The following AUTS2 variants were observed in gnomAD, a reference collection of about 807,000 sequenced individuals.
AUTS2 encodes activator of transcription and developmental regulator AUTS2.
A neutral mutation model predicts 112.4 loss-of-function variants in AUTS2; 17 were observed. The observed-to-expected ratio is 0.15, with a 90% CI of 0.10 to 0.23. The LOEUF is 0.23. Ranked by LOEUF, AUTS2 falls within the 10% of genes least tolerant of loss-of-function variation. AUTS2 has a pLI of 1.00. For missense variants in AUTS2, 1,510 were observed against 1,701.6 expected (o/e 0.89, Z 1.98); for synonymous variants, 751 against 702.7 (o/e 1.07, Z -1.09).
chr7:70,402,527 G>T (rs1446903214), intron 4 of AUTS2, among the ~76,000 whole-genome samples: 1 of 152,192 alleles, frequency 6.6e-6, no homozygotes, highest in Non-Finnish European at 1.5e-5. Flanking sequence ...AAGTAATAAA[G>T]AAACGATTCC....
At chr7:70,024,061 A>G (rs1800404696) in intron 2 of AUTS2, among the ~76,000 whole-genome samples, 1 of 152,188 alleles carries the variant, frequency 6.6e-6, no homozygotes. Context: ...TCAGGGACAA[A>G]TGTAATGGTT....
chr7:70,281,717 T>G (rs1010047555), intron 4 of AUTS2, among the ~76,000 whole-genome samples: 26 of 152,036 alleles, frequency 1.7e-4, no homozygotes, highest in African/African-American at 5.3e-4. Flanking sequence ...CTTTGAAGAT[T>G]CGGAGTAATG....
chr7:70,157,002 G>T (rs1280244730), intron 4 of AUTS2, among the ~76,000 whole-genome samples: 3 of 149,156 alleles, frequency 2.0e-5, no homozygotes, highest in Non-Finnish European at 4.4e-5. Flanking sequence ...GCTTGAACCT[G>T]GGAGGCAGAG....
intron 2 of AUTS2, among the ~76,000 whole-genome samples, chr7:69,905,694 C>A (rs1795125011): frequency 6.6e-6 from 1 of 152,314 alleles, no homozygotes; most frequent in South Asian, 2.1e-4. Flanking sequence ...ACATGCCAAT[C>A]TCCTCTGGAA....
chr7:70,595,362 G>A lies in AUTS2; in HGVS notation c.691-103207G>A, dbSNP rs145871913. 2.4e-3 allele frequency among the ~76,000 whole-genome samples: 369 copies of A among 152,236 alleles called. 2 individuals carry two copies. Among genetic ancestry groups the A allele is most frequent in the African/African-American group, 8.1e-3 (335 of 41,534 alleles). ...TTTCCTACTAACTAGCTCAGGGGCG[G>A]GGGAGTTTCTGAACTATGTTGGCAT... is the stretch of plus-strand genomic sequence containing the variant. On this transcript the variant is annotated intron_variant, in intron 5 of 18. Coordinates refer to ENST00000342771, the MANE Select transcript of AUTS2 (RefSeq NM_015570.4).
intron 1 of AUTS2, among the ~76,000 whole-genome samples, chr7:69,699,960 C>T (rs1797736943): frequency 6.6e-6 from 1 of 152,100 alleles, no homozygotes; most frequent in African/African-American, 2.4e-5. Flanking sequence ...GGCATTTCAT[C>T]CTGGGTGTGT....
chr7:70,685,784 A>G (rs1808445928), intron 5 of AUTS2, among the ~76,000 whole-genome samples: 1 of 152,074 alleles, frequency 6.6e-6, no homozygotes, highest in African/African-American at 2.4e-5. Context: ...GAACTGGAAA[A>G]CGCGATCAGT....
intron 5 of AUTS2, among the ~76,000 whole-genome samples, chr7:70,668,681 G>A (rs1293783118): frequency 6.6e-6 from 1 of 152,222 alleles, no homozygotes; most frequent in Non-Finnish European, 1.5e-5. Flanking sequence ...GGCACCTTAA[G>A]TTTATCACGT....
intron 5 of AUTS2, among the ~76,000 whole-genome samples, chr7:70,685,647 T>C (rs915881200): frequency 6.6e-6 from 1 of 152,084 alleles, no homozygotes; most frequent in Admixed American, 6.6e-5. Flanking sequence ...ATATTAGTCA[T>C]TCCAGCATCC....
At chr7:69,977,820 A>T (rs1798122430) in intron 2 of AUTS2, among the ~76,000 whole-genome samples, 1 of 152,164 alleles carries the variant, frequency 6.6e-6, no homozygotes, top group African/African-American at 2.4e-5. Flanking sequence ...TATCGGATAT[A>T]TGAGACCTAT....
chr7:70,289,048 G>A (rs1374881947), intron 4 of AUTS2, among the ~76,000 whole-genome samples: 1 of 152,138 alleles, frequency 6.6e-6, no homozygotes, highest in African/African-American at 2.4e-5. Flanking sequence ...TTCTAACAGT[G>A]TTAATGAGAT....
chr7:69,683,784 G>A (rs369420528), intron 1 of AUTS2, among the ~76,000 whole-genome samples: 1 of 151,708 alleles, frequency 6.6e-6, no homozygotes, highest in Non-Finnish European at 1.5e-5. Context: ...GGTAGTACAC[G>A]CCTATAATCC....
chr7:70,352,130 T>G (rs911183168), intron 4 of AUTS2, among the ~76,000 whole-genome samples: 3 of 152,194 alleles, frequency 2.0e-5, no homozygotes, highest in African/African-American at 7.2e-5. Flanking sequence ...CCATCACACA[T>G]ACTAAAAAAC....
rs142053723 is a variant in AUTS2 at position 70,490,009 on chromosome 7, A to G, written c.690+54228A>G. Among the ~76,000 whole-genome samples, 1,279 of 152,330 alleles carry G rather than the reference A, an allele frequency of 8.4e-3. 13 individuals carry two copies. Among genetic ancestry groups the G allele is most frequent in the African/African-American group, 0.026 (1,088 of 41,576 alleles). On this transcript the variant is annotated intron_variant, in intron 5 of 18. Transcript: ENST00000342771. ...CATCAAAATCTGTGGCATGCAGCCA[A>G]AGCAATTCCTCAGAGAGGAATGGTT...
In AUTS2 at chr7:69,705,174, G is replaced by A. The variant is rs894571319; in HGVS notation, c.309+105212G>A. Among the ~76,000 whole-genome samples, 3 of 152,166 alleles carry A rather than the reference G, an allele frequency of 2.0e-5. 1 individual carries two copies. Among genetic ancestry groups the A allele is most frequent in the Non-Finnish European group, 2.9e-5 (2 of 68,028 alleles). On this transcript the variant is annotated intron_variant, in intron 1 of 18. Transcript: ENST00000342771. ...GAGCCATTGTGCCTGGCCTCCTTATGTCTTCTATGCCTAGACTGTCTCCTA... is the reference window on the plus strand; with the variant it reads ...GAGCCATTGTGCCTGGCCTCCTTATATCTTCTATGCCTAGACTGTCTCCTA...
chr7:69,787,637 C>A (rs957799494), intron 1 of AUTS2, among the ~76,000 whole-genome samples: 2 of 152,296 alleles, frequency 1.3e-5, no homozygotes, highest in East Asian at 1.9e-4. Context: ...GCAACCTCCA[C>A]CTCCTGGGTT....
intron 5 of AUTS2, among the ~76,000 whole-genome samples, chr7:70,572,741 G>T (rs1427690820): frequency 6.6e-6 from 1 of 152,174 alleles, no homozygotes; most frequent in African/African-American, 2.4e-5. Context: ...GTGCCACACT[G>T]AATAGAGCTA....
At chr7:70,237,858 G>C (rs1015785451) in intron 4 of AUTS2, among the ~76,000 whole-genome samples, 1 of 152,072 alleles carries the variant, frequency 6.6e-6, no homozygotes. Context: ...TTATCCCCTC[G>C]GCACATACTT....
intron 2 of AUTS2, among the ~76,000 whole-genome samples, chr7:70,106,399 G>A (rs1006707263): frequency 2.0e-5 from 3 of 152,118 alleles, no homozygotes; most frequent in South Asian, 2.1e-4. Context: ...GGCACTGGAC[G>A]TCATATGAAT....
Sources: allele counts gnomAD v4.1 joint callset (sites outside exome capture counted in the v4.1 genomes callset), GRCh38; gene constraint gnomAD v4.1.1; transcripts MANE v1.5; gene names NCBI Gene and HGNC (gene_info 2026-07-23, HGNC 2026-07-21).